Variants in SMAD3 observed in about 807,000 individuals in gnomAD.
SMAD3 encodes the protein MAD homolog 3.
In SMAD3, 12 loss-of-function variants were observed where a neutral mutation model predicts 51.8. The ratio of observed to expected loss-of-function variants is 0.23; its 90% confidence interval spans 0.15 to 0.38. The LOEUF is 0.38. Among genes scored for constraint, SMAD3 ranks in the 10% least tolerant of loss-of-function variants. SMAD3 has a pLI of 1.00. For missense variants in SMAD3, 294 were observed against 565.6 expected, an observed-to-expected ratio of 0.52 and a Z score of 4.87; for synonymous variants, 238 against 227.7, an observed-to-expected ratio of 1.05 and a Z score of -0.41.
chr15:67,190,981 C>T lies in SMAD3; in HGVS notation c.*445C>T, dbSNP rs1963347715. On this transcript the variant is annotated 3_prime_UTR_variant, in exon 9 of 9. Transcript: ENST00000327367. The stretch of plus-strand genomic sequence containing the variant: ...CCCGCAGGGCCATGCAGACCTCATG[C>T]CCAGCTCTCTGACGCTTGTGACAGT... 1 of 251,330 alleles carries T rather than the reference C, an allele frequency of 4.0e-6. No individual in the cohort carries two copies. The highest frequency in any genetic ancestry group is 7.8e-6 in the Non-Finnish European group (1 of 128,366). 15.6% of individuals were successfully genotyped at this position (251,330 alleles called of 1,614,324 possible). A position where few individuals can be genotyped will look rare whatever the true frequency, so the allele number is the denominator to read the frequency against.
chr15:67,125,430 C>T (rs1328625220), intron 1 of SMAD3, among the ~76,000 whole-genome samples: 2 of 152,208 alleles, frequency 1.3e-5, no homozygotes, highest in Non-Finnish European at 2.9e-5. Context: ...AATGCATGGA[C>T]CTCTGTCCTC....
chr15:67,116,949 T>G (rs1961148792), intron 1 of SMAD3, among the ~76,000 whole-genome samples: 1 of 152,106 alleles, frequency 6.6e-6, no homozygotes. Context: ...TGAAAGAAGT[T>G]GTCAACTACT....
intron 1 of SMAD3, among the ~76,000 whole-genome samples, chr15:67,091,446 C>T (rs1484060525): frequency 6.6e-6 from 1 of 152,214 alleles, no homozygotes; most frequent in Admixed American, 6.5e-5. Context: ...GTGAGTCACT[C>T]ACCCCCAGAT....
At chr15:67,130,121 T>C (rs887294196) in intron 1 of SMAD3, among the ~76,000 whole-genome samples, 15 of 152,330 alleles carry the variant, frequency 9.8e-5, no homozygotes, top group African/African-American at 3.4e-4. Context: ...CTAGATACTC[T>C]ACCTTTGTCA....
intron 1 of SMAD3, 83 bp from the exon 2 acceptor site, chr15:67,164,812 G>A (rs1363467527): frequency 5.0e-6 from 7 of 1,409,296 alleles, no homozygotes; most frequent in Non-Finnish European, 7.0e-6. Flanking sequence ...CTTTCCAAGT[G>A]TCTGAAAGTA....
rs377424364 is a variant in SMAD3, at chr15:67,164,107, C to T, written c.207-788C>T. On this transcript the variant is annotated intron_variant, in intron 1 of 8. Transcript: ENST00000327367. ...CGGGCAGATCACGAGGTTAGGAGAT[C>T]GAGACCATCCTGGCTCACACAGTGA... Among the ~76,000 whole-genome samples the T allele has an allele frequency of 4.8e-4, 73 of 151,780 alleles. 1 individual carries two copies. The East Asian group carries it at 0.014, about 29-fold the overall frequency.
chr15:67,163,308 A>G (rs368616608), intron 1 of SMAD3, among the ~76,000 whole-genome samples: 94 of 152,260 alleles, frequency 6.2e-4, no homozygotes, highest in African/African-American at 2.2e-3. Flanking sequence ...GACAGGGACC[A>G]CTTTGCTGGC....
chr15:67,178,100 A>G (rs1180401927), intron 5 of SMAD3, among the ~76,000 whole-genome samples: 3 of 152,130 alleles, frequency 2.0e-5, no homozygotes, highest in Non-Finnish European at 4.4e-5. Flanking sequence ...TTTCCACAAC[A>G]CTGTCCGGTG....
At chr15:67,128,479 A>C (rs1961444511) in intron 1 of SMAD3, among the ~76,000 whole-genome samples, 1 of 152,174 alleles carries the variant, frequency 6.6e-6, no homozygotes, top group Non-Finnish European at 1.5e-5. Flanking sequence ...AAAACCCAGG[A>C]ACATAGTTCC....
At chr15:67,112,171 C>G (rs1238891437) in intron 1 of SMAD3, among the ~76,000 whole-genome samples, 1 of 3,000 alleles carries the variant, frequency 3.3e-4, no homozygotes, top group Non-Finnish European at 1.0e-3. Flanking sequence ...TTTTTTGAGA[C>G]AGAGTTTTGC....
chr15:67,132,000 G>A (rs899346950), intron 1 of SMAD3, among the ~76,000 whole-genome samples: 3 of 152,144 alleles, frequency 2.0e-5, no homozygotes, highest in African/African-American at 7.2e-5. Context: ...GCAAGCTCAG[G>A]TTGTTGTCCT....
At chr15:67,085,612 TG>T (rs1960370888) in intron 1 of SMAD3, among the ~76,000 whole-genome samples, 1 of 152,120 alleles carries the variant, frequency 6.6e-6, no homozygotes, top group South Asian at 2.1e-4. Context: ...AATTGGTTGT[TG>T]GTGTTACCAT....
chr15:67,106,972 G>C (rs555347818), intron 1 of SMAD3, among the ~76,000 whole-genome samples: 7 of 152,008 alleles, frequency 4.6e-5, no homozygotes, highest in Non-Finnish European at 8.8e-5. Context: ...AGCTTTCCAG[G>C]GAGTCCAAGT....
At chr15:67,170,301 G>A (rs924701995) in intron 4 of SMAD3, among the ~76,000 whole-genome samples, 1 of 152,170 alleles carries the variant, frequency 6.6e-6, no homozygotes, top group Non-Finnish European at 1.5e-5. Flanking sequence ...AACTATCTGA[G>A]ACCTCTGAGA....
At chr15:67,175,200 A>G (rs1454071680) in intron 5 of SMAD3, among the ~76,000 whole-genome samples, 4 of 152,136 alleles carry the variant, frequency 2.6e-5, no homozygotes, top group African/African-American at 9.7e-5. Flanking sequence ...CTTTAAAGTG[A>G]GATGATTAGG....
chr15:67,178,681 T>TG (rs1363116861), intron 5 of SMAD3, among the ~76,000 whole-genome samples: 7 of 151,598 alleles, frequency 4.6e-5, no homozygotes, highest in Non-Finnish European at 1.0e-4. Context: ...GGATTTTTTT[T>TG]TTTTAAGTTT....
At chr15:67,091,358 G>T (rs1462839543) in intron 1 of SMAD3, among the ~76,000 whole-genome samples, 4 of 152,212 alleles carry the variant, frequency 2.6e-5, no homozygotes, top group African/African-American at 9.7e-5. Context: ...GCGGTTTGGG[G>T]TGTTGCCAGT....
chr15:67,099,126 A>G (rs1317469095), intron 1 of SMAD3: 6 of 659,552 alleles, frequency 9.1e-6, no homozygotes, highest in African/African-American at 7.1e-5. Flanking sequence ...CTGGGAATAC[A>G]CTGACATGAG....
At chr15:67,070,663 A>G (rs1960032295) in intron 1 of SMAD3, among the ~76,000 whole-genome samples, 1 of 150,944 alleles carries the variant, frequency 6.6e-6, no homozygotes, top group Non-Finnish European at 1.5e-5. Context: ...CAGTAGAAAT[A>G]TGAGATCTAG....
Sources: gnomAD v4.1 joint callset for allele counts (sites outside exome capture counted in the v4.1 genomes callset) on GRCh38, gnomAD v4.1.1 for gene constraint, MANE v1.5 for transcripts, NCBI Gene and HGNC (gene_info 2026-07-23, HGNC 2026-07-21) for gene names.